The following ASAP1 variants were observed in gnomAD, a reference collection of about 807,000 sequenced individuals.
The protein encoded by ASAP1 is arf-GAP with SH3 domain, ANK repeat and PH domain-containing protein 1.
A neutral mutation model predicts 145.2 loss-of-function variants in ASAP1; 43 were observed. That is an observed-to-expected ratio of 0.30 (90% CI 0.23 to 0.38). The LOEUF is 0.38. ASAP1 is among the 10% of genes least tolerant of loss of function. ASAP1 has a pLI of 1.00. For missense variants in ASAP1, 1,018 were observed against 1,355.3 expected, an observed-to-expected ratio of 0.75 and a Z score of 3.91; for synonymous variants, 546 against 515.5, an observed-to-expected ratio of 1.06 and a Z score of -0.80.
At chr8:130,336,033 T>C (rs1825012496) in intron 3 of ASAP1, among the ~76,000 whole-genome samples, 1 of 144,070 alleles carries the variant, frequency 6.9e-6, no homozygotes, top group Non-Finnish European at 1.5e-5. Flanking sequence ...CCAGGCTGCA[T>C]GCAATGAAGA....
At chr8:130,213,280 G>A (rs548005568) in intron 5 of ASAP1, among the ~76,000 whole-genome samples, 3 of 152,294 alleles carry the variant, frequency 2.0e-5, no homozygotes, top group African/African-American at 7.2e-5. Context: ...CTTATTCGCT[G>A]TGTAAGATTA....
At chr8:130,407,296 T>C (rs979777772) in intron 1 of ASAP1, among the ~76,000 whole-genome samples, 1 of 152,162 alleles carries the variant, frequency 6.6e-6, no homozygotes, top group Non-Finnish European at 1.5e-5. Flanking sequence ...ATCTCAGAAT[T>C]GCCCCACCGA....
At chr8:130,164,968 C>T (rs932753260) in intron 11 of ASAP1, among the ~76,000 whole-genome samples, 2 of 152,208 alleles carry the variant, frequency 1.3e-5, no homozygotes, top group African/African-American at 4.8e-5. Flanking sequence ...AAATCACTAT[C>T]TTCTAAACAT....
rs1822895244 is a variant in ASAP1 at position 130,304,843 on chromosome 8, TACAAA to T, written c.186+53169_186+53173del. Among the ~76,000 whole-genome samples the T allele has an allele frequency of 2.0e-5, 3 of 152,170 alleles. No individual in the cohort carries two copies. The South Asian group carries it at 6.2e-4, about 32-fold the overall frequency. ...CAGTGCTGCTTGTCTTTCTCAAAAT[TACAAA>T]ACAAAACAAACAAATGGAAAACCCA... is the stretch of plus-strand genomic sequence containing the variant. On this transcript the variant is annotated intron_variant, in intron 3 of 29. Coordinates refer to ENST00000518721, the MANE Select transcript of ASAP1 (RefSeq NM_018482.4).
chr8:130,117,597 G>C (rs988657110), intron 20 of ASAP1, among the ~76,000 whole-genome samples: 4 of 152,134 alleles, frequency 2.6e-5, no homozygotes, highest in African/African-American at 9.7e-5. Context: ...AAAGAATCCA[G>C]CAAGTCCAAA....
intron 24 of ASAP1, among the ~76,000 whole-genome samples, chr8:130,092,497 T>C (rs910760758): frequency 2.0e-5 from 3 of 152,016 alleles, no homozygotes; most frequent in Non-Finnish European, 4.4e-5. Context: ...TGTGGTGGTG[T>C]GTGCTTGTAG....
At chr8:130,055,933 A>G (rs2097403079) in intron 29 of ASAP1, among the ~76,000 whole-genome samples, 1 of 152,188 alleles carries the variant, frequency 6.6e-6, no homozygotes. Context: ...CATCACAGTT[A>G]GCATGTGTGT....
At chr8:130,343,945 T>C (rs1418136718) in intron 3 of ASAP1, among the ~76,000 whole-genome samples, 2 of 152,220 alleles carry the variant, frequency 1.3e-5, no homozygotes, top group African/African-American at 4.8e-5. Flanking sequence ...CTACCTCTGG[T>C]TAGTGGGCTT....
chr8:130,326,790 C>T (rs1824362507), intron 3 of ASAP1, among the ~76,000 whole-genome samples: 1 of 152,198 alleles, frequency 6.6e-6, no homozygotes, highest in Non-Finnish European at 1.5e-5. Context: ...TAATTTAATG[C>T]TTCTCTCCAC....
intron 3 of ASAP1, among the ~76,000 whole-genome samples, chr8:130,321,584 TCTAA>T (rs774668995): frequency 4.3e-4 from 65 of 151,286 alleles, no homozygotes; most frequent in Middle Eastern, 3.2e-3. Flanking sequence ...CACTCACTAC[TCTAA>T]CTACATAAAC....
Position 130,126,035 on chromosome 8 carries a change from C to T in ASAP1, c.1436G>A (p.Gly479Asp). The T allele has an allele frequency of 6.2e-7, 1 of 1,613,946 alleles. No individual in the cohort carries two copies. The highest frequency in any genetic ancestry group is 8.5e-7 in the Non-Finnish European group (1 of 1,179,930). Residue 479 changes from glycine to aspartate, a missense_variant, in exon 17 of 30, where the codon GGC (glycine) becomes GAC (aspartate). Coordinates refer to ENST00000518721, the MANE Select transcript of ASAP1 (RefSeq NM_018482.4). The stretch of plus-strand genomic sequence containing the variant: ...ATGAACCCCCATTTCCCTATGGATG[C>T]CAGAACATTCTATACAGGTCAAAAT... Reference protein sequence around the residue: ...LGILTCIECSGIHREMGVHIS... With the variant: ...LGILTCIECSDIHREMGVHIS...
intron 3 of ASAP1, among the ~76,000 whole-genome samples, chr8:130,276,952 T>C (rs918425183): frequency 6.6e-6 from 1 of 152,152 alleles, no homozygotes; most frequent in African/African-American, 2.4e-5. Context: ...GGACTCTGCC[T>C]GCTGCTGAGG....
intron 3 of ASAP1, among the ~76,000 whole-genome samples, chr8:130,334,598 G>A (rs1338702241): frequency 6.6e-6 from 1 of 152,154 alleles, no homozygotes; most frequent in Non-Finnish European, 1.5e-5. Flanking sequence ...TCTAGCTGTA[G>A]CATGTAACAG....
At chr8:130,083,401 G>T (rs1402838031) in intron 25 of ASAP1, 1 of 152,200 alleles carries the variant, frequency 6.6e-6, no homozygotes, top group Non-Finnish European at 1.5e-5. Context: ...TTCTTCCATA[G>T]CTGACTTGAC....
At chr8:130,161,470 A>C (rs1377801927) in intron 11 of ASAP1, among the ~76,000 whole-genome samples, 1 of 152,150 alleles carries the variant, frequency 6.6e-6, no homozygotes, top group African/African-American at 2.4e-5. Context: ...AATACCTCCT[A>C]AAAGCCAGGT....
intron 3 of ASAP1, among the ~76,000 whole-genome samples, chr8:130,338,459 G>T (rs543378273): frequency 3.3e-5 from 5 of 152,262 alleles, no homozygotes; most frequent in Admixed American, 1.3e-4. Flanking sequence ...TACGTGTCAG[G>T]TAAATAAAGA....
rs565420230 is a variant in ASAP1, at chr8:130,415,303, TA to T, written c.-27-13334del. On this transcript the variant is annotated intron_variant, in intron 1 of 29. Coordinates refer to ENST00000518721, the MANE Select transcript of ASAP1 (RefSeq NM_018482.4). ...AGGCAATATAGTGAGACTTCATCTC[TA>T]AAAAAATTTAAAAACTAGTGGGGTG... 2.1e-3 allele frequency among the ~76,000 whole-genome samples: 320 copies of T among 151,416 alleles called. 1 individual carries two copies. The highest frequency in any genetic ancestry group is 3.4e-3 in the Non-Finnish European group (234 of 67,992).
At chr8:130,211,492 A>G (rs1350236791) in intron 5 of ASAP1, among the ~76,000 whole-genome samples, 1 of 152,170 alleles carries the variant, frequency 6.6e-6, no homozygotes, top group South Asian at 2.1e-4. Context: ...GTGCACTGAT[A>G]TTTTTTAAGA....
At chr8:130,135,679 A>T (rs2097592986) in intron 14 of ASAP1, among the ~76,000 whole-genome samples, 1 of 152,138 alleles carries the variant, frequency 6.6e-6, no homozygotes, top group Non-Finnish European at 1.5e-5. Context: ...TTTCATGAGG[A>T]TTAGCACTAA....
Sources: allele counts gnomAD v4.1 joint callset (sites outside exome capture counted in the v4.1 genomes callset), GRCh38; gene constraint gnomAD v4.1.1; transcripts MANE v1.5; gene names NCBI Gene and HGNC (gene_info 2026-07-23, HGNC 2026-07-21).